The following PRDM16 variants were observed in gnomAD, a reference collection of about 807,000 sequenced individuals.
The protein encoded by PRDM16 is PR/SET domain 16, also known as histone-lysine N-methyltransferase PRDM16.
Under a neutral mutation model 110.6 loss-of-function variants are expected in PRDM16, and 23 were observed. The ratio of observed to expected loss-of-function variants is 0.21; its 90% CI spans 0.15 to 0.29. The LOEUF (loss-of-function observed/expected upper bound fraction) is 0.29, where lower values mean the gene tolerates loss of function less well. PRDM16 is among the 10% of genes least tolerant of loss of function. PRDM16 has a pLI of 1.00. For synonymous variants in PRDM16, 799 were observed against 781.8 expected, an observed-to-expected ratio of 1.02 and a Z score of -0.37; for missense variants, 1,615 against 1,794.3, an observed-to-expected ratio of 0.90 and a Z score of 1.81.
chr1:3,413,928 G>A (rs555774092), intron 9 of PRDM16, among the ~76,000 whole-genome samples: 77 of 152,330 alleles, frequency 5.1e-4, no homozygotes, highest in African/African-American at 1.7e-3. Context: ...GCCCTGGAGG[G>A]TGTTTAGACA....
intron 3 of PRDM16, among the ~76,000 whole-genome samples, chr1:3,340,955 C>T (rs534531789): frequency 1.4e-4 from 22 of 152,282 alleles, no homozygotes; most frequent in African/African-American, 4.1e-4. Flanking sequence ...GCATGGCCCC[C>T]GTGAGCTGAC....
At chr1:3,428,701 G>C (rs1270682994) in intron 14 of PRDM16, among the ~76,000 whole-genome samples, 2 of 152,214 alleles carry the variant, frequency 1.3e-5, no homozygotes, top group Non-Finnish European at 2.9e-5. Flanking sequence ...ATCCAGTTCT[G>C]TCAGGAGTCC....
At chr1:3,078,638 G>A (rs908376884) in intron 1 of PRDM16, among the ~76,000 whole-genome samples, 1 of 152,228 alleles carries the variant, frequency 6.6e-6, no homozygotes, top group Admixed American at 6.5e-5. Context: ...TTTTAATTCG[G>A]TAGTTCAAAT....
Position 3,135,370 on chromosome 1 carries a change from G to T in PRDM16, c.38-50755G>T, listed in dbSNP as rs112697438. ...CCTGCCTTGCAGACACCGACCACGG[G>T]CCCGACATTTTCTCAAGAAAAGAAA... On this transcript the variant is annotated intron_variant, in intron 1 of 16. Transcript: ENST00000270722. Among the ~76,000 whole-genome samples the T allele has an allele frequency of 1.8e-3, 275 of 152,334 alleles. 2 individuals carry two copies. The highest frequency in any genetic ancestry group is 6.2e-3 in the African/African-American group (258 of 41,588).
chr1:3,129,280 C>A (rs576010728), intron 1 of PRDM16, among the ~76,000 whole-genome samples: 1 of 142,224 alleles, frequency 7.0e-6, no homozygotes, highest in South Asian at 2.3e-4. Context: ...GTGTGTGTGT[C>A]CTGCCTGGTG....
In PRDM16 at chr1:3,265,620, C is replaced by T. The variant is rs1183164072; in HGVS notation, c.438+21483C>T. Among the ~76,000 whole-genome samples the T allele has an allele frequency of 3.3e-5, 5 of 152,068 alleles. No homozygotes were observed. Among genetic ancestry groups the T allele is most frequent in the Non-Finnish European group, 7.4e-5 (5 of 67,982 alleles). On this transcript the variant is annotated intron_variant, in intron 3 of 16. Transcript: ENST00000270722. This position sits in a 1 kb window ranked among gnomAD's most constrained non-coding sequence, Gnocchi z 4.5. ...GGAGAAGCAGACCGCAGAGGCCCCT[C>T]TTGGGTCTGGGAGCTCCTAAAATTG...
chr1:3,276,409 A>T (rs1640583711), intron 3 of PRDM16, among the ~76,000 whole-genome samples: 1 of 152,212 alleles, frequency 6.6e-6, no homozygotes, highest in Admixed American at 6.5e-5. Context: ...CTGGGAGCTC[A>T]GGAGGGGAGC....
chr1:3,105,802 G>A (rs562141507), intron 1 of PRDM16, among the ~76,000 whole-genome samples: 38 of 152,362 alleles, frequency 2.5e-4, no homozygotes, highest in Admixed American at 5.2e-4. Flanking sequence ...ACTGCTGTGT[G>A]CAGCCCCTTC....
Position 3,148,728 on chromosome 1 carries a change from T to C in PRDM16, c.38-37397T>C, listed in dbSNP as rs965644711. Among the ~76,000 whole-genome samples the C allele has an allele frequency of 3.9e-5, 6 of 152,248 alleles. No homozygotes were observed. The highest frequency in any genetic ancestry group is 7.3e-5 in the Non-Finnish European group (5 of 68,042). ...GCCCAAAGCCAAAGGGTGGTGAATC[T>C]GGGCACTGCCTGGGACCATGGGGGG... On this transcript the variant is annotated intron_variant, in intron 1 of 16. Coordinates refer to ENST00000270722, the MANE Select transcript of PRDM16 (RefSeq NM_022114.4). This position sits in a 1 kb window ranked among gnomAD's most constrained non-coding sequence, Gnocchi z 5.0.
At chr1:3,111,368 G>A (rs1440260178) in intron 1 of PRDM16, among the ~76,000 whole-genome samples, 1 of 131,360 alleles carries the variant, frequency 7.6e-6, no homozygotes, top group African/African-American at 2.8e-5. Flanking sequence ...CCTGAAGGTG[G>A]TGCTGGGGGG....
chr1:3,121,548 G>A (rs925640738), intron 1 of PRDM16, among the ~76,000 whole-genome samples: 6 of 152,364 alleles, frequency 3.9e-5, no homozygotes, highest in Admixed American at 2.0e-4. Flanking sequence ...CTGCAAGGCC[G>A]CTAGTGTCTC....
At chr1:3,364,222 G>A (rs1383802817) in intron 3 of PRDM16, among the ~76,000 whole-genome samples, 4 of 152,178 alleles carry the variant, frequency 2.6e-5, no homozygotes, top group Non-Finnish European at 5.9e-5. Flanking sequence ...CAGTGAATGT[G>A]CTTGAAAAGA....
At chr1:3,240,639 C>G (rs1402757742) in intron 2 of PRDM16, among the ~76,000 whole-genome samples, 1 of 152,184 alleles carries the variant, frequency 6.6e-6, no homozygotes, top group Non-Finnish European at 1.5e-5. Context: ...TTCTCAGATA[C>G]TTTAATAACA....
Position 3,249,109 on chromosome 1 carries a change from C to T in PRDM16, c.438+4972C>T, listed in dbSNP as rs150248622. On this transcript the variant is annotated intron_variant, in intron 3 of 16. Transcript: ENST00000270722. ...TGGCCATGCCAGGCTTTTAGCCCAGCACAGCACCACGCAGCCGGAGACTGC... is the reference window on the plus strand; with the variant it reads ...TGGCCATGCCAGGCTTTTAGCCCAGTACAGCACCACGCAGCCGGAGACTGC... Among the ~76,000 whole-genome samples the T allele has an allele frequency of 2.0e-3, 301 of 152,306 alleles. 2 individuals carry two copies. Among genetic ancestry groups the T allele is most frequent in the East Asian group, 4.3e-3 (22 of 5,170 alleles).
chr1:3,259,552 C>A (rs1285486185), intron 3 of PRDM16, among the ~76,000 whole-genome samples: 2 of 152,194 alleles, frequency 1.3e-5, no homozygotes, highest in African/African-American at 2.4e-5. Flanking sequence ...ACTCACCACC[C>A]AAGGCCACAT....
chr1:3,298,478 G>A (rs1641137820), intron 3 of PRDM16, among the ~76,000 whole-genome samples: 1 of 152,242 alleles, frequency 6.6e-6, no homozygotes. Flanking sequence ...ACTTTACTTA[G>A]TTTTAATTAA....
rs1254117740 is a variant in PRDM16 at position 3,436,570 on chromosome 1, T to C, written c.*2759T>C. On this transcript the variant is annotated 3_prime_UTR_variant, in exon 17 of 17. Coordinates refer to ENST00000270722, the MANE Select transcript of PRDM16 (RefSeq NM_022114.4). Reference sequence around the variant, plus strand: ...CAAAGGCAGCACTTATTTCCTGGGCTGGTGCGCCCCAAAACACGGCCCCGA... The same window carrying C: ...CAAAGGCAGCACTTATTTCCTGGGCCGGTGCGCCCCAAAACACGGCCCCGA... The C allele has an allele frequency of 8.6e-6, 2 of 231,560 alleles. No individual in the cohort carries two copies. The highest frequency in any genetic ancestry group is 4.4e-5 in the African/African-American group (2 of 45,178). 14.3% of individuals were successfully genotyped at this position (231,560 alleles called of 1,614,324 possible). A position where few individuals can be genotyped will look rare whatever the true frequency, so the allele number is the denominator to read the frequency against.
chr1:3,388,529 C>G (rs1358301694), intron 4 of PRDM16, among the ~76,000 whole-genome samples: 1 of 152,174 alleles, frequency 6.6e-6, no homozygotes, highest in Non-Finnish European at 1.5e-5. Flanking sequence ...AAAAAGGAGA[C>G]TAGGGCAGAA....
rs116291640 is a variant in PRDM16 at position 3,345,718 on chromosome 1, G to A, written c.439-39434G>A. On this transcript the variant is annotated intron_variant, in intron 3 of 16. Transcript: ENST00000270722. ...TCGGGTCCTCCCATGCTGCCCTCTC[G>A]GGTCCTCCCGTGCTGCCCCCTCTGT... Among the ~76,000 whole-genome samples the A allele has an allele frequency of 7.3e-3, 1,108 of 150,778 alleles. 14 individuals are homozygous for A. Among genetic ancestry groups the A allele is most frequent in the African/African-American group, 0.025 (1,026 of 40,954 alleles).
Sources: allele counts gnomAD v4.1 joint callset (sites outside exome capture counted in the v4.1 genomes callset), GRCh38; gene constraint gnomAD v4.1.1; non-coding constraint Gnocchi (gnomAD v3.1); transcripts MANE v1.5; gene names NCBI Gene and HGNC (gene_info 2026-07-23, HGNC 2026-07-21).